The following ENPP3 variants were observed in gnomAD, a reference collection of about 807,000 sequenced individuals.
ENPP3 encodes the protein ectonucleotide pyrophosphatase/phosphodiesterase family member 3.
In ENPP3, 104 loss-of-function variants were observed where a neutral mutation model predicts 117.8. That is an observed-to-expected ratio of 0.88 (90% confidence interval 0.75 to 1.04). The LOEUF (loss-of-function observed/expected upper bound fraction) is 1.04. ENPP3 is among the 50% of genes least tolerant of loss of function. The pLI is 0.00. For synonymous variants in ENPP3, 380 were observed against 349.9 expected (o/e 1.09, Z -0.96); for missense variants, 1,026 against 1,051.9 (o/e 0.98, Z 0.34).
chr6:131,675,994 C>T (rs1322397402), intron 9 of ENPP3, among the ~76,000 whole-genome samples: 1 of 152,184 alleles, frequency 6.6e-6, no homozygotes, highest in Admixed American at 6.5e-5. Context: ...ACCTCTCAGA[C>T]CTCCCCTTCT....
At chr6:131,679,090 C>CTTCT (rs1778965497) in intron 11 of ENPP3, among the ~76,000 whole-genome samples, 1 of 50,458 alleles carries the variant, frequency 2.0e-5, no homozygotes, top group African/African-American at 6.5e-5. Context: ...TCTTTCTTTT[C>CTTCT]TTCTTTCTTT....
intron 14 of ENPP3, among the ~76,000 whole-genome samples, chr6:131,689,250 G>C (rs1585671622): frequency 6.6e-6 from 1 of 152,296 alleles, no homozygotes; most frequent in South Asian, 2.1e-4. Flanking sequence ...CCTTCCATTG[G>C]AAGAAGATGC....
chr6:131,692,785 GATATA>G (rs1779308956), intron 14 of ENPP3, among the ~76,000 whole-genome samples: 1 of 143,338 alleles, frequency 7.0e-6, no homozygotes, highest in Non-Finnish European at 1.5e-5. Context: ...GGTTATATAT[GATATA>G]ATATGTAGTT....
chr6:131,654,109 T>TTTACTATTA (rs150889038), intron 5 of ENPP3, among the ~76,000 whole-genome samples: 2 of 143,306 alleles, frequency 1.4e-5, no homozygotes, highest in African/African-American at 5.2e-5. Flanking sequence ...AAATTTAAGT[T>TTTACTATTA]TTATTATTAT....
At chr6:131,737,529 A>G in intron 22 of ENPP3, 97 bp downstream of exon 22, 1 of 712,540 alleles carries the variant, frequency 1.4e-6, no homozygotes, top group Non-Finnish European at 2.4e-6. Flanking sequence ...TTTGTTCCTG[A>G]TATTAAGGGT....
chr6:131,638,336 A>G (rs1351504092), intron 1 of ENPP3: 1 of 236,234 alleles, frequency 4.2e-6, no homozygotes, highest in Admixed American at 5.5e-5. Context: ...CCAACAATTT[A>G]TCTTTATTCT....
intron 24 of ENPP3, among the ~76,000 whole-genome samples, chr6:131,744,708 A>G (rs190886245): frequency 6.6e-6 from 1 of 152,266 alleles, no homozygotes; most frequent in African/African-American, 2.4e-5. Context: ...AAGAACGTGG[A>G]TAGGGCAGAA....
Position 131,747,018 on chromosome 6 carries a change from G to A in ENPP3, c.*62G>A. Reference sequence around the variant, plus strand: ...AAAGTAATTTTGGCAAAATATAAGTGATTTTTTTCTGGAGAATTGTAAAAT... The same window carrying A: ...AAAGTAATTTTGGCAAAATATAAGTAATTTTTTTCTGGAGAATTGTAAAAT... On this transcript the variant is annotated 3_prime_UTR_variant, in exon 25 of 25. Transcript: ENST00000357639. 1.2e-6 allele frequency: 1 copy of A among 858,244 alleles called. No homozygotes were observed. The highest frequency in any genetic ancestry group is 1.7e-6 in the Non-Finnish European group (1 of 602,570). The allele number at this position is 858,244 out of a possible 1,614,324, so 53.2% of individuals were successfully genotyped here.
chr6:131,647,137 G>A (rs1404769707), intron 2 of ENPP3, among the ~76,000 whole-genome samples: 1 of 152,042 alleles, frequency 6.6e-6, no homozygotes, highest in Non-Finnish European at 1.5e-5. Flanking sequence ...GCCTCCCAAA[G>A]TGCTGGGATT....
At chr6:131,664,709 A>G (rs1166119932) in intron 6 of ENPP3, among the ~76,000 whole-genome samples, 1 of 152,216 alleles carries the variant, frequency 6.6e-6, no homozygotes, top group Non-Finnish European at 1.5e-5. Context: ...AGGGATAAAT[A>G]TACAATTACC....
At chr6:131,666,773 C>G (rs747593436) in intron 6 of ENPP3, among the ~76,000 whole-genome samples, 32 of 152,238 alleles carry the variant, frequency 2.1e-4, no homozygotes, top group Non-Finnish European at 3.8e-4. Flanking sequence ...TCCCCATTTA[C>G]TCATTTTCCT....
intron 13 of ENPP3, 87 bp downstream of exon 13, chr6:131,685,582 T>A: frequency 7.5e-7 from 1 of 1,336,584 alleles, no homozygotes; most frequent in South Asian, 1.3e-5. Flanking sequence ...AAGTTGGGGT[T>A]ATCAGACCCT....
At chr6:131,652,470 A>C in intron 3 of ENPP3, 72 bp from the exon 4 acceptor site, 1 of 1,424,062 alleles carries the variant, frequency 7.0e-7, no homozygotes, top group Non-Finnish European at 9.7e-7. Context: ...TAATATAGGA[A>C]TAAATAAATG....
chr6:131,720,905 C>A (rs1289572012), intron 17 of ENPP3, among the ~76,000 whole-genome samples: 6 of 152,046 alleles, frequency 3.9e-5, no homozygotes, highest in African/African-American at 1.2e-4. Flanking sequence ...AACTTTAGAT[C>A]TCAGAAGACC....
At chr6:131,653,704 G>A (rs1778314711) in intron 5 of ENPP3, among the ~76,000 whole-genome samples, 1 of 152,096 alleles carries the variant, frequency 6.6e-6, no homozygotes, top group Non-Finnish European at 1.5e-5. Flanking sequence ...GAGCCACCAT[G>A]TCTGGCCAGA....
intron 15 of ENPP3, among the ~76,000 whole-genome samples, chr6:131,699,235 C>CAAAAAAAAAAAAAAAA (rs4053087): frequency 3.5e-4 from 38 of 107,876 alleles, no homozygotes; most frequent in East Asian, 1.3e-3. Context: ...AAGACTGTCT[C>CAAAAAAAAAAAAAAAA]AAAAAAAAAA....
chr6:131,662,185 C>T (rs553007637), intron 6 of ENPP3, among the ~76,000 whole-genome samples: 1 of 152,146 alleles, frequency 6.6e-6, no homozygotes, highest in South Asian at 2.1e-4. Context: ...TTCTTGGCAC[C>T]CTTTTTGAAG....
At chr6:131,691,598 AAAAG>A (rs1390924747) in intron 14 of ENPP3, among the ~76,000 whole-genome samples, 2 of 151,816 alleles carry the variant, frequency 1.3e-5, no homozygotes, top group South Asian at 2.1e-4. Context: ...CAAAAAAAAA[AAAAG>A]AAAGAGAAAA....
At chr6:131,715,232 G>T (rs1375984381) in intron 15 of ENPP3, among the ~76,000 whole-genome samples, 1 of 151,358 alleles carries the variant, frequency 6.6e-6, no homozygotes, top group Non-Finnish European at 1.5e-5. Flanking sequence ...ACTAGAACTG[G>T]TCTGTGTGTG....
Sources: allele counts gnomAD v4.1 joint callset (sites outside exome capture counted in the v4.1 genomes callset), GRCh38; gene constraint gnomAD v4.1.1; transcripts MANE v1.5; gene names NCBI Gene and HGNC (gene_info 2026-07-23, HGNC 2026-07-21).